The following EIF3F variants were observed in gnomAD, a reference collection of about 807,000 sequenced individuals.
EIF3F encodes eukaryotic translation initiation factor 3 subunit F.
EIF3F carries 8 observed loss-of-function variants against 36.0 expected under a neutral mutation model. The observed-to-expected ratio is 0.22, with a 90% CI of 0.13 to 0.40. EIF3F has a LOEUF of 0.40. EIF3F is among the 10% of genes least tolerant of loss of function. The pLI, the probability that EIF3F is intolerant of heterozygous loss-of-function variation, is 1.00. For missense variants in EIF3F, 430 were observed against 467.6 expected (o/e 0.92, Z 0.74); for synonymous variants, 184 against 188.5 (o/e 0.98, Z 0.19).
At position 8,001,594 on chromosome 11, in the gene EIF3F, G is replaced by A. The variant is rs1195828210; in HGVS notation, c.*5572G>A. On this transcript the variant is annotated 3_prime_UTR_variant, in exon 8 of 8. Transcript: ENST00000651655. ...CTCTATATATCAATATGGATAAAGA[G>A]TAAGTGAAAAAAGCCAGGAGAGAAT... The A allele has an allele frequency of 6.6e-6, 1 of 152,114 alleles. No homozygotes were observed. The highest frequency in any genetic ancestry group is 1.5e-5 in the Non-Finnish European group (1 of 68,040). 9.4% of individuals were successfully genotyped at this position (152,114 alleles called of 1,614,324 possible).
At chr11:7,995,417 A>G in intron 7 of EIF3F, 50 bp downstream of exon 7, 2 of 1,398,510 alleles carry the variant, frequency 1.4e-6, no homozygotes, top group Non-Finnish European at 1.0e-6. Context: ...CCCCCACCTC[A>G]GCACATACAC....
At position 7,997,853 on chromosome 11, in the gene EIF3F, A is replaced by G. The variant is rs1757811234; in HGVS notation, c.*1831A>G. On this transcript the variant is annotated 3_prime_UTR_variant, in exon 8 of 8. Transcript: ENST00000651655. ...TGAGGGGGAAAATTGTGTCTGGACTAAACCTGTACAGACATTTTTCCTTGT... is the reference window on the plus strand; with the variant it reads ...TGAGGGGGAAAATTGTGTCTGGACTGAACCTGTACAGACATTTTTCCTTGT... 1 of 152,218 alleles carries G rather than the reference A, an allele frequency of 6.6e-6. No individual in the cohort carries two copies. The highest frequency in any genetic ancestry group is 6.5e-5 in the Admixed American group (1 of 15,282). The allele number at this position is 152,218 out of a possible 1,614,324, so 9.4% of individuals were successfully genotyped here. A position where few individuals can be genotyped will look rare whatever the true frequency, so the allele number is the denominator to read the frequency against.
At chr11:7,991,721 G>C in intron 1 of EIF3F, 60 bp from the exon 2 acceptor site, 2 of 1,528,904 alleles carry the variant, frequency 1.3e-6, no homozygotes, top group Non-Finnish European at 1.8e-6. Flanking sequence ...TTCAAAAGTA[G>C]TCAGAGGTTG....
intron 1 of EIF3F, among the ~76,000 whole-genome samples, chr11:7,988,183 A>G (rs575152240): frequency 9.2e-5 from 14 of 152,298 alleles, no homozygotes; most frequent in African/African-American, 2.9e-4. Flanking sequence ...GGTATTGACA[A>G]AGTTTTCTAA....
chr11:7,991,428 G>A (rs543457486), intron 1 of EIF3F, among the ~76,000 whole-genome samples: 1 of 152,174 alleles, frequency 6.6e-6, no homozygotes, highest in Admixed American at 6.5e-5. Context: ...AAATATTCCA[G>A]GTAGCTCTGC....
At position 8,000,203 on chromosome 11, in the gene EIF3F, C is replaced by G. The variant is rs1254527885; in HGVS notation, c.*4181C>G. 7.3e-6 allele frequency: 1 copy of G among 136,896 alleles called. No homozygotes were observed. The highest frequency in any genetic ancestry group is 1.6e-5 in the Non-Finnish European group (1 of 63,210). The allele number at this position is 136,896 out of a possible 1,614,324, so 8.5% of individuals were successfully genotyped here. On this transcript the variant is annotated 3_prime_UTR_variant, in exon 8 of 8. Coordinates refer to ENST00000651655, the MANE Select transcript of EIF3F (RefSeq NM_003754.3). ...GACAAGAGTGAGAAGAGTGAGACTT[C>G]ATCTCAAAAAAAAAAAAGGTACATC...
chr11:7,995,175 C>T, intron 6 of EIF3F, 57 bp downstream of exon 6: 1 of 1,607,362 alleles, frequency 6.2e-7, no homozygotes, highest in Non-Finnish European at 8.5e-7. Context: ...CCTGGGATCA[C>T]TGAGGCATGT....
At chr11:7,988,744 A>G (rs1481657559) in intron 1 of EIF3F, among the ~76,000 whole-genome samples, 2 of 152,204 alleles carry the variant, frequency 1.3e-5, no homozygotes, top group Non-Finnish European at 2.9e-5. Flanking sequence ...ACCTCACAAA[A>G]CATTTGCCAT....
intron 1 of EIF3F, among the ~76,000 whole-genome samples, chr11:7,988,619 GTGAATCCACTTTATTTACAAGCATTCT>G (rs1942055697): frequency 6.6e-6 from 1 of 152,142 alleles, no homozygotes; most frequent in Admixed American, 6.5e-5. Context: ...AAATAGCTTT[GTGAATCCACTTTATTTACAAGCATTCT>G]TTCTCTTTCA....
intron 1 of EIF3F, 193 bp downstream of exon 1, chr11:7,987,909 C>G (rs751322219): frequency 1.3e-6 from 1 of 791,222 alleles, no homozygotes; most frequent in African/African-American, 1.8e-5. Context: ...TCTCTCCTCT[C>G]TCTCCTGCCG....
chr11:7,994,365 A>T (rs1332260147), intron 4 of EIF3F, 61 bp from the exon 5 acceptor site: 3 of 1,456,330 alleles, frequency 2.1e-6, no homozygotes. Context: ...TTCTCAGCCC[A>T]GAATAGACAT....
rs770288762 is a variant in EIF3F at position 7,995,300 on chromosome 11, G to T, written c.929G>T (p.Ser310Ile). ...AATACTGTGGGCCGCTTCCTGATGA[G>T]CCTGGTTAACCAAGTACCGAAAATA... ...ADNTVGRFLM[S>I]LVNQVPKIVP... is the part of the protein sequence containing the mutation. Residue 310 changes from serine (S) to isoleucine (I), a missense_variant, in exon 7 of 8, where the codon AGC becomes ATC. Coordinates refer to ENST00000651655, the MANE Select transcript of EIF3F (RefSeq NM_003754.3). The T allele has an allele frequency of 9.3e-6, 15 of 1,614,046 alleles. No individual in the cohort carries two copies. The highest frequency in any genetic ancestry group is 1.0e-5 in the Non-Finnish European group (12 of 1,180,034).
intron 1 of EIF3F, 132 bp downstream of exon 1, chr11:7,987,848 C>G (rs1942045727): frequency 1.9e-5 from 25 of 1,288,860 alleles, no homozygotes; most frequent in Non-Finnish European, 2.4e-5. Flanking sequence ...ACCTCTTAAT[C>G]TATATCTGCA....
rs1331454577 is a variant in EIF3F at position 8,001,778 on chromosome 11, C to T, written c.*5756C>T. 1.3e-5 allele frequency: 2 copies of T among 151,986 alleles called. No individual in the cohort carries two copies. Among genetic ancestry groups the T allele is most frequent in the African/African-American group, 2.4e-5 (1 of 41,360 alleles). 9.4% of individuals were successfully genotyped at this position (151,986 alleles called of 1,614,324 possible). ...AAAGATTTACTTCTTATTGTTTCTT[C>T]TGTATAACTTTTGAATTTTATGCTG... On this transcript the variant is annotated 3_prime_UTR_variant, in exon 8 of 8. Coordinates refer to ENST00000651655, the MANE Select transcript of EIF3F (RefSeq NM_003754.3).
rs139323042 is a variant in EIF3F, at chr11:7,995,331, C to T, written c.960C>T (p.Pro320=). 59 of 1,614,122 alleles carry T rather than the reference C, an allele frequency of 3.7e-5. No homozygotes were observed. The African/African-American group carries it at 4.1e-4, about 11-fold the overall frequency. Residue 320 remains proline (P), a synonymous_variant, in exon 7 of 8, where the codon CCC becomes CCT. Transcript: ENST00000651655. The part of the protein sequence containing the change: ...SLVNQVPKIV[P]DDFETMLNSN... Reference sequence around the variant, plus strand: ...TTAACCAAGTACCGAAAATAGTTCCCGATGACTTTGAGACCATGCTCAACA... The same window carrying T: ...TTAACCAAGTACCGAAAATAGTTCCTGATGACTTTGAGACCATGCTCAACA...
rs1228916726 is a variant in EIF3F at position 7,996,212 on chromosome 11, A to C, written c.*190A>C. On this transcript the variant is annotated 3_prime_UTR_variant, in exon 8 of 8. Coordinates refer to ENST00000651655, the MANE Select transcript of EIF3F (RefSeq NM_003754.3). ...GTTTATTGCCGGGTGGAAGGGAGGA[A>C]AATGTTTTAGATCACACAGAAACTA... is the stretch of plus-strand genomic sequence containing the variant. The C allele has an allele frequency of 7.2e-6, 4 of 557,110 alleles. No homozygotes were observed. Among genetic ancestry groups the C allele is most frequent in the African/African-American group, 5.7e-5 (3 of 53,026 alleles). The allele number at this position is 557,110 out of a possible 1,614,324, so 34.5% of individuals were successfully genotyped here. A position where few individuals can be genotyped will look rare whatever the true frequency, so the allele number is the denominator to read the frequency against.
intron 7 of EIF3F, 175 bp downstream of exon 7, chr11:7,995,542 T>G (rs1942150916): frequency 1.6e-6 from 1 of 632,446 alleles, no homozygotes; most frequent in Non-Finnish European, 2.9e-6. Flanking sequence ...TATGCGTGGT[T>G]GGAGACTTCC....
In EIF3F at chr11:7,992,838, A is replaced by G. The variant is rs1298887981; in HGVS notation, c.516-49A>G. 1.9e-6 allele frequency: 3 copies of G among 1,612,026 alleles called. No homozygotes were observed. In the African/African-American group the frequency reaches 4.0e-5, roughly 22 times the overall value. On this transcript the variant is annotated intron_variant, in intron 3 of 7. Transcript: ENST00000651655. ...CACCCATGCCACTGTTGTGTTTGAT[A>G]TTGACGCCACATATAGACAGGAGTC...
Position 7,999,273 on chromosome 11 carries a change from A to G in EIF3F, c.*3251A>G, listed in dbSNP as rs1942194191. ...ACAGCAAGATCCTTTCTCAAGAAAA[A>G]AAGTGAAAAGGAGGAGGGTTTTTAA... On this transcript the variant is annotated 3_prime_UTR_variant, in exon 8 of 8. Coordinates refer to ENST00000651655, the MANE Select transcript of EIF3F (RefSeq NM_003754.3). 1 of 152,192 alleles carries G rather than the reference A, an allele frequency of 6.6e-6. No homozygotes were observed. The highest frequency in any genetic ancestry group is 2.4e-5 in the African/African-American group (1 of 41,440). The allele number at this position is 152,192 out of a possible 1,614,324, so 9.4% of individuals were successfully genotyped here. A position where few individuals can be genotyped will look rare whatever the true frequency, so the allele number is the denominator to read the frequency against.
Sources: allele counts gnomAD v4.1 joint callset (sites outside exome capture counted in the v4.1 genomes callset), GRCh38; gene constraint gnomAD v4.1.1; transcripts MANE v1.5; gene names NCBI Gene and HGNC (gene_info 2026-07-23, HGNC 2026-07-21).